Variants in SASH1 observed in about 807,000 individuals in gnomAD.
SASH1 encodes the protein SAM and SH3 domain containing 1.
SASH1 carries 44 observed loss-of-function variants against 125.2 expected under a neutral mutation model. That is an observed-to-expected ratio of 0.35 (90% confidence interval 0.28 to 0.45). SASH1 has a LOEUF of 0.45. Ranked by LOEUF, SASH1 falls within the 20% of genes least tolerant of loss-of-function variation. SASH1 has a pLI of 1.00. For missense variants in SASH1, 1,426 were observed against 1,614.5 expected (o/e 0.88, Z 2.00); for synonymous variants, 639 against 649.1 (o/e 0.98, Z 0.24).
At chr6:148,321,134 T>G (rs908248505) in intron 1 of SASH1, among the ~76,000 whole-genome samples, 16 of 152,178 alleles carry the variant, frequency 1.1e-4, no homozygotes, top group African/African-American at 3.6e-4. Flanking sequence ...GGCTCACATC[T>G]GTAATCCCAT....
At chr6:148,528,544 A>C (rs376051713) in intron 12 of SASH1, among the ~76,000 whole-genome samples, 2 of 152,204 alleles carry the variant, frequency 1.3e-5, no homozygotes, top group East Asian at 1.9e-4. Context: ...CACTTGATTC[A>C]AACAAAGCCT....
the SASH1 span, among the ~76,000 whole-genome samples, chr6:148,200,318 G>A: frequency 6.6e-6 from 1 of 152,338 alleles, no homozygotes; most frequent in South Asian, 2.1e-4. Flanking sequence ...GGTTCAGCTA[G>A]TCTGTCTTGA....
chr6:148,420,271 A>G (rs1397080930), intron 2 of SASH1, among the ~76,000 whole-genome samples: 2 of 152,224 alleles, frequency 1.3e-5, no homozygotes, highest in African/African-American at 4.8e-5. Flanking sequence ...TAACATTAAG[A>G]AAAACCGATT....
chr6:148,457,198 A>G (rs917562312), intron 4 of SASH1, among the ~76,000 whole-genome samples: 1 of 138,536 alleles, frequency 7.2e-6, no homozygotes, highest in African/African-American at 2.7e-5. Flanking sequence ...TTTTTTTTAC[A>G]CCTTAATTTT....
At chr6:148,539,034 G>A (rs753209281) in intron 16 of SASH1, among the ~76,000 whole-genome samples, 1 of 151,292 alleles carries the variant, frequency 6.6e-6, no homozygotes, top group Admixed American at 6.6e-5. Context: ...GAAGGCCCTC[G>A]TGGCTTTCCA....
intron 1 of SASH1, among the ~76,000 whole-genome samples, chr6:148,327,286 TC>T (rs1352612576): frequency 1.3e-5 from 2 of 150,194 alleles, no homozygotes; most frequent in African/African-American, 2.4e-5. Flanking sequence ...AATATAAATT[TC>T]TTTTTTTTTT....
intron 1 of SASH1, among the ~76,000 whole-genome samples, chr6:148,321,982 A>G (rs755420923): frequency 2.6e-4 from 39 of 152,232 alleles, no homozygotes; most frequent in Non-Finnish European, 4.7e-4. Flanking sequence ...AAATATATGT[A>G]TAAATGATGG....
Position 148,533,690 on chromosome 6 carries a change from G to A in SASH1, c.1735-81G>A. The A allele has an allele frequency of 7.5e-7, 1 of 1,330,080 alleles. No homozygotes were observed. 82.4% of individuals were successfully genotyped at this position (1,330,080 alleles called of 1,614,324 possible). On this transcript the variant is annotated intron_variant, in intron 14 of 19. Coordinates refer to ENST00000367467, the MANE Select transcript of SASH1 (RefSeq NM_015278.5). The surrounding 1 kb of genome is among the most constrained non-coding windows in gnomAD (Gnocchi z 6.2). Reference sequence around the variant, plus strand: ...CTTTGTGGCATCTTCACTTCTGCATGACCTGTGTATCTGACAGATTCTTGA... The same window carrying A: ...CTTTGTGGCATCTTCACTTCTGCATAACCTGTGTATCTGACAGATTCTTGA...
intron 1 of SASH1, among the ~76,000 whole-genome samples, chr6:148,348,761 C>T (rs370872439): frequency 5.9e-5 from 9 of 152,304 alleles, no homozygotes; most frequent in Middle Eastern, 3.4e-3. Flanking sequence ...CTTCTTCAGA[C>T]GTTTATTGGC....
chr6:148,249,265 G>A, the SASH1 span, among the ~76,000 whole-genome samples: 2 of 152,230 alleles, frequency 1.3e-5, no homozygotes, highest in Admixed American at 6.5e-5. Context: ...TCCCTGAGGG[G>A]AGAAGCTGCT....
At chr6:148,276,851 G>A (rs780199002) in intron 1 of SASH1, among the ~76,000 whole-genome samples, 11 of 152,146 alleles carry the variant, frequency 7.2e-5, no homozygotes, top group African/African-American at 2.4e-4. Flanking sequence ...TTGGGAGGCT[G>A]AGGCAGGAGA....
At chr6:148,511,009 AAAAAG>A (rs1230742866) in intron 8 of SASH1, among the ~76,000 whole-genome samples, 43 of 152,112 alleles carry the variant, frequency 2.8e-4, no homozygotes, top group Admixed American at 1.6e-3. Flanking sequence ...AAAAAAAAAA[AAAAAG>A]AAAGACATGC....
the SASH1 span, among the ~76,000 whole-genome samples, chr6:148,229,993 T>C: frequency 6.6e-6 from 1 of 152,258 alleles, no homozygotes; most frequent in South Asian, 2.1e-4. Context: ...ATTACAGGCA[T>C]GAGCCACCAC....
chr6:148,418,794 G>C (rs148926390), intron 2 of SASH1, among the ~76,000 whole-genome samples: 1,785 of 150,738 alleles, frequency 0.012, 30 homozygotes, highest in African/African-American at 0.041. Context: ...ATCAGGGAAG[G>C]CCCAGGAGGA....
chr6:148,389,577 G>A (rs1386898090), intron 1 of SASH1, among the ~76,000 whole-genome samples: 1 of 152,198 alleles, frequency 6.6e-6, no homozygotes, highest in African/African-American at 2.4e-5. Flanking sequence ...TCTCCTGAGA[G>A]GTGCAGTGAG....
At chr6:148,446,103 T>TTTTTTTC (rs1776762952) in intron 4 of SASH1, among the ~76,000 whole-genome samples, 2 of 20,688 alleles carry the variant, frequency 9.7e-5, no homozygotes, top group Non-Finnish European at 2.0e-4. Flanking sequence ...TTTTTTTTTT[T>TTTTTTTC]TTTTTTTTTT....
At chr6:148,252,518 G>A in the SASH1 span, among the ~76,000 whole-genome samples, 12 of 148,342 alleles carry the variant, frequency 8.1e-5, no homozygotes, top group Non-Finnish European at 1.2e-4. Context: ...TCGCTTTGTC[G>A]CCCAGGCTGG....
chr6:148,504,507 C>CAGAG lies in SASH1; in HGVS notation c.730-9815_730-9812dup, dbSNP rs575960226. ...ATCTACTGTGTTCAAGCCCGCCACC[C>CAGAG]AGAGAACAGGACCAGCAGTGGCCTT... On this transcript the variant is annotated intron_variant, in intron 8 of 19. Coordinates refer to ENST00000367467, the MANE Select transcript of SASH1 (RefSeq NM_015278.5). Among the ~76,000 whole-genome samples, 227 of 152,280 alleles carry CAGAG rather than the reference C, an allele frequency of 1.5e-3. 2 individuals are homozygous for CAGAG. The highest frequency in any genetic ancestry group is 4.4e-3 in the Admixed American group (67 of 15,300).
chr6:148,340,482 C>T (rs1461099245), upstream of SASH1, among the ~76,000 whole-genome samples: 1 of 129,474 alleles, frequency 7.7e-6, no homozygotes, highest in Non-Finnish European at 1.7e-5. Flanking sequence ...CAGAGCAAGA[C>T]TCTGTCTCAA....
Sources: gnomAD v4.1 joint callset for allele counts (sites outside exome capture counted in the v4.1 genomes callset) on GRCh38, gnomAD v4.1.1 for gene constraint, Gnocchi (gnomAD v3.1) non-coding constraint, MANE v1.5 for transcripts, NCBI Gene and HGNC (gene_info 2026-07-23, HGNC 2026-07-21) for gene names.